The following SGCZ variants were observed in gnomAD, a reference collection of about 807,000 sequenced individuals.
SGCZ encodes zeta-sarcoglycan.
SGCZ carries 40 observed loss-of-function variants against 41.3 expected under a neutral mutation model. The ratio of observed to expected loss-of-function variants is 0.97; its 90% confidence interval spans 0.75 to 1.26. The LOEUF (loss-of-function observed/expected upper bound fraction) is 1.26. Ranked by LOEUF, SGCZ falls within the 50% of genes most tolerant of loss-of-function variation. SGCZ has a pLI of 0.00. For missense variants in SGCZ, 552 were observed against 369.8 expected (o/e 1.49, Z -4.04); for synonymous variants, 206 against 137.5 (o/e 1.50, Z -3.49).
intron 1 of SGCZ, among the ~76,000 whole-genome samples, chr8:15,127,232 GCACACACACACACACACA>G (rs892939125): frequency 3.6e-4 from 25 of 69,674 alleles, no homozygotes; most frequent in African/African-American, 9.3e-4. Context: ...ACATCTATAG[GCACACACACACACACACA>G]CACACAAACA....
chr8:14,712,812 T>G (rs1345727240), intron 1 of SGCZ, among the ~76,000 whole-genome samples: 2 of 152,146 alleles, frequency 1.3e-5, no homozygotes, highest in African/African-American at 4.8e-5. Context: ...TCCTTATTTT[T>G]TCTTCTTTTT....
intron 1 of SGCZ, among the ~76,000 whole-genome samples, chr8:14,686,102 C>T (rs1256667744): frequency 6.6e-6 from 1 of 152,108 alleles, no homozygotes; most frequent in African/African-American, 2.4e-5. Context: ...TAACTCACCT[C>T]CTATCCAGGT....
chr8:14,501,611 G>T (rs1585600898), intron 2 of SGCZ, among the ~76,000 whole-genome samples: 1 of 143,726 alleles, frequency 7.0e-6, no homozygotes, highest in Non-Finnish European at 1.5e-5. Context: ...AGTTATCCAG[G>T]TTTTTTTTTT....
At chr8:15,136,388 T>C (rs930982293) in intron 1 of SGCZ, among the ~76,000 whole-genome samples, 1 of 151,932 alleles carries the variant, frequency 6.6e-6, no homozygotes, top group Non-Finnish European at 1.5e-5. Flanking sequence ...CACTCCAGCA[T>C]ACTTGATAAG....
At chr8:14,379,833 G>C (rs944307456) in intron 2 of SGCZ, among the ~76,000 whole-genome samples, 1 of 152,084 alleles carries the variant, frequency 6.6e-6, no homozygotes, top group East Asian at 1.9e-4. Context: ...CCGGGTTCAA[G>C]TGATTCTCCT....
At chr8:14,836,724 C>T (rs191891757) in intron 1 of SGCZ, among the ~76,000 whole-genome samples, 11 of 152,276 alleles carry the variant, frequency 7.2e-5, no homozygotes, top group African/African-American at 2.6e-4. Flanking sequence ...TGGTCTCAAA[C>T]TCCTTGAGCT....
At chr8:14,154,975 C>T (rs775983049) in intron 5 of SGCZ, among the ~76,000 whole-genome samples, 1 of 152,204 alleles carries the variant, frequency 6.6e-6, no homozygotes, top group Non-Finnish European at 1.5e-5. Context: ...GCTACCTCCA[C>T]TGAAGGCCGT....
At chr8:14,738,089 C>G (rs930314346) in intron 1 of SGCZ, among the ~76,000 whole-genome samples, 10 of 152,056 alleles carry the variant, frequency 6.6e-5, no homozygotes, top group African/African-American at 2.2e-4. Context: ...CTGGTGACAG[C>G]CACACGATAT....
At chr8:14,777,133 G>C (rs1439921945) in intron 1 of SGCZ, among the ~76,000 whole-genome samples, 3 of 152,134 alleles carry the variant, frequency 2.0e-5, no homozygotes, top group Non-Finnish European at 2.9e-5. Flanking sequence ...TTTAGTAAAT[G>C]CTCAAGATGT....
In SGCZ at chr8:14,541,209, G is replaced by A. The variant is rs570589370; in HGVS notation, c.234+13523C>T. ...GTAGGTTCGTTACATAGGTATACAC[G>A]TGCCATGGTGGTTTGCTGCACCTAT... On this transcript the variant is annotated intron_variant, in intron 2 of 7. Transcript: ENST00000382080. 1.4e-3 allele frequency among the ~76,000 whole-genome samples: 220 copies of A among 151,878 alleles called. 1 individual carries two copies. The highest frequency in any genetic ancestry group is 6.8e-3 in the Middle Eastern group (2 of 292).
chr8:14,771,850 T>G (rs1163826283), intron 1 of SGCZ, among the ~76,000 whole-genome samples: 1 of 152,146 alleles, frequency 6.6e-6, no homozygotes, highest in Non-Finnish European at 1.5e-5. Context: ...TATTTCTTCA[T>G]GAAAATTCCC....
intron 2 of SGCZ, among the ~76,000 whole-genome samples, chr8:14,337,767 A>T (rs1802554156): frequency 6.6e-6 from 1 of 152,176 alleles, no homozygotes; most frequent in African/African-American, 2.4e-5. Context: ...ATCACCAAGA[A>T]GTCCAGTGGT....
intron 1 of SGCZ, among the ~76,000 whole-genome samples, chr8:14,608,083 C>A (rs1442880188): frequency 6.6e-6 from 1 of 152,026 alleles, no homozygotes; most frequent in African/African-American, 2.4e-5. Context: ...CTCCTATGTC[C>A]CTTGATGACT....
intron 1 of SGCZ, among the ~76,000 whole-genome samples, chr8:14,662,467 C>G (rs1807786138): frequency 6.6e-6 from 1 of 152,136 alleles, no homozygotes. Context: ...ATTTGTGTTA[C>G]TCAGTGCAGT....
chr8:14,268,097 T>TAG (rs58131914), intron 3 of SGCZ, among the ~76,000 whole-genome samples: 5 of 150,878 alleles, frequency 3.3e-5, no homozygotes, highest in African/African-American at 1.2e-4. Flanking sequence ...GCAAATTTGC[T>TAG]GTTTCAGTGA....
intron 1 of SGCZ, among the ~76,000 whole-genome samples, chr8:15,023,727 G>A (rs2130946804): frequency 6.6e-6 from 1 of 152,198 alleles, no homozygotes; most frequent in East Asian, 1.9e-4. Flanking sequence ...ATAATCTTCG[G>A]TATGTTCACA....
rs3069627 is a variant in SGCZ, at chr8:14,715,534, C to CCACACACACA, written c.40-160618_40-160609dup. ...GGTAAAATTACACAGATATCCTCCA[C>CCACACACACA]CACACACACACACACACACACACAC... is the stretch of plus-strand genomic sequence containing the variant. On this transcript the variant is annotated intron_variant, in intron 1 of 7. Transcript: ENST00000382080. 8.7e-3 allele frequency among the ~76,000 whole-genome samples: 1,166 copies of CCACACACACA among 133,352 alleles called. 8 individuals carry two copies. The highest frequency in any genetic ancestry group is 0.022 in the East Asian group (94 of 4,244). 87.5% of individuals were successfully genotyped at this position (133,352 alleles called of 152,430 possible). A position where few individuals can be genotyped will look rare whatever the true frequency, so the allele number is the denominator to read the frequency against.
intron 1 of SGCZ, among the ~76,000 whole-genome samples, chr8:15,196,149 G>T (rs185505025): frequency 7.5e-6 from 1 of 134,220 alleles, no homozygotes; most frequent in South Asian, 2.3e-4. Flanking sequence ...CGCCCGCCTC[G>T]GCCTCCCAAA....
At chr8:14,599,444 A>G (rs1585113711) in intron 1 of SGCZ, among the ~76,000 whole-genome samples, 1 of 152,196 alleles carries the variant, frequency 6.6e-6, no homozygotes, top group East Asian at 1.9e-4. Context: ...AGCCACTCTG[A>G]CTGGTCTCCC....
Sources: gnomAD v4.1 joint callset for allele counts (sites outside exome capture counted in the v4.1 genomes callset) on GRCh38, gnomAD v4.1.1 for gene constraint, MANE v1.5 for transcripts, NCBI Gene and HGNC (gene_info 2026-07-23, HGNC 2026-07-21) for gene names.